The following FBXO41 variants were observed in gnomAD, a reference collection of about 807,000 sequenced individuals.
The protein encoded by FBXO41 is F-box protein 41, also known as F-box only protein 41.
FBXO41 carries 33 observed loss-of-function variants against 81.6 expected under a neutral mutation model. That is an observed-to-expected ratio of 0.40 (90% CI 0.31 to 0.54). The LOEUF (loss-of-function observed/expected upper bound fraction) is 0.54, where lower values mean the gene tolerates loss of function less well. FBXO41 is among the 20% of genes least tolerant of loss of function. FBXO41 has a pLI of 0.39. For synonymous variants in FBXO41, 576 were observed against 552.7 expected (o/e 1.04, Z -0.59); for missense variants, 1,107 against 1,236.0 (o/e 0.90, Z 1.56).
Position 73,269,108 on chromosome 2 carries a change from G to T in FBXO41, c.523C>A (p.Pro175Thr). Residue 175 changes from proline to threonine, a missense_variant, in exon 2 of 13, where the codon CCC becomes ACC. By Grantham distance (38) the Pro-to-Thr change is conservative. Around this residue, in one of 2 missense-constraint regions of FBXO41, gnomAD observed 771 missense variants for 789.2 expected, o/e 0.98. Coordinates refer to ENST00000520530, the MANE Select transcript of FBXO41 (RefSeq NM_001371389.2). This position sits in a 1 kb window ranked among gnomAD's most constrained non-coding sequence, Gnocchi z 7.0. ...SSACSTPPPG[P>T]GPGPCPGPAS... is the part of the protein sequence containing the mutation. ...GGCCCGGGGCAAGGGCCGGGGCCGG[G>T]GCCAGGCGGCGGCGTCGAGCACGCC... 1 of 1,508,448 alleles carries T rather than the reference G, an allele frequency of 6.6e-7. No homozygotes were observed. The highest frequency in any genetic ancestry group is 1.3e-5 in the South Asian group (1 of 79,904). 93.4% of individuals were successfully genotyped at this position (1,508,448 alleles called of 1,614,324 possible). A position where few individuals can be genotyped will look rare whatever the true frequency, so the allele number is the denominator to read the frequency against.
intron 1 of FBXO41, among the ~76,000 whole-genome samples, chr2:73,278,639 A>G (rs1476746599): frequency 6.6e-6 from 1 of 152,186 alleles, no homozygotes; most frequent in Non-Finnish European, 1.5e-5. Context: ...CAGGCACGGG[A>G]TTCTACACTT....
chr2:73,270,906 C>T (rs781486332), intron 1 of FBXO41: 1 of 534,596 alleles, frequency 1.9e-6, no homozygotes, highest in Non-Finnish European at 3.8e-6. Flanking sequence ...TCAGACAAGC[C>T]AGTTGTCATC....
intron 8 of FBXO41, 43 bp from the exon 9 acceptor site, chr2:73,263,351 A>G (rs902873273): frequency 7.1e-7 from 1 of 1,411,184 alleles, no homozygotes; most frequent in Middle Eastern, 1.9e-4. Context: ...AGGGTGGCTT[A>G]TACTGGTAAT....
In FBXO41 at chr2:73,266,434, A is replaced by T. The variant is rs1688278932; in HGVS notation, c.1131+23T>A. The T allele has an allele frequency of 6.8e-7, 1 of 1,466,260 alleles. No homozygotes were observed. The highest frequency in any genetic ancestry group is 2.6e-5 in the East Asian group (1 of 38,200). 90.8% of individuals were successfully genotyped at this position (1,466,260 alleles called of 1,614,324 possible). On this transcript the variant is annotated intron_variant, in intron 3 of 12. Transcript: ENST00000520530. The surrounding 1 kb of genome is among the most constrained non-coding windows in gnomAD (Gnocchi z 5.3). The stretch of plus-strand genomic sequence containing the variant: ...GGGGGGCCAGGTGTGCAGGTAGAGG[A>T]GGGAAGGCAGGTGGGCACTCACCAT...
Position 73,263,756 on chromosome 2 carries a change from T to C in FBXO41, c.1997A>G (p.His666Arg). Residue 666 changes from histidine to arginine, a missense_variant, in exon 8 of 13, where the codon CAC (histidine) becomes CGC (arginine). By Grantham distance (29) the His-to-Arg change is conservative. Around this residue, in one of 2 missense-constraint regions of FBXO41, gnomAD observed 336 missense variants for 446.7 expected, o/e 0.75. Coordinates refer to ENST00000520530, the MANE Select transcript of FBXO41 (RefSeq NM_001371389.2). ...GGNLLILRISHCPNILTDRSL... is the reference protein window; with the variant it reads ...GGNLLILRISRCPNILTDRSL... ...GCGGTCGGTGAGGATGTTTGGACAGTGGGAGATGCGCAGGATCAGCAGGTT... is the reference window on the plus strand; with the variant it reads ...GCGGTCGGTGAGGATGTTTGGACAGCGGGAGATGCGCAGGATCAGCAGGTT... The C allele has an allele frequency of 1.2e-6, 2 of 1,613,920 alleles. No homozygotes were observed. The highest frequency in any genetic ancestry group is 1.7e-6 in the Non-Finnish European group (2 of 1,179,862).
intron 1 of FBXO41, among the ~76,000 whole-genome samples, chr2:73,270,388 AGT>A (rs1212188128): frequency 1.3e-5 from 2 of 152,170 alleles, no homozygotes; most frequent in African/African-American, 4.8e-5. Context: ...ACTTAAAATG[AGT>A]GTAAAAATCC....
Position 73,260,749 on chromosome 2 carries a change from C to T in FBXO41, c.2281G>A (p.Ala761Thr), listed in dbSNP as rs1311791766. ...GGAGCGVQGL[A>T]SLARNCMRLQ... ...CCAAGGAAAGACTCACCGAGTGATGCCAGGCCCTGCACCCCACAGCCGGCA... is the reference window on the plus strand; with the variant it reads ...CCAAGGAAAGACTCACCGAGTGATGTCAGGCCCTGCACCCCACAGCCGGCA... The change falls in exon 10 of 13, where the codon GCA (alanine) becomes ACA (threonine). Residue 761 changes from alanine to threonine, a missense_variant. This residue lies in a region of FBXO41 where 336 missense variants were observed against 446.7 expected (regional missense o/e 0.75). Coordinates refer to ENST00000520530, the MANE Select transcript of FBXO41 (RefSeq NM_001371389.2). The surrounding 1 kb of genome is among the most constrained non-coding windows in gnomAD (Gnocchi z 5.0). 1 of 1,548,970 alleles carries T rather than the reference C, an allele frequency of 6.5e-7. No individual in the cohort carries two copies. The highest frequency in any genetic ancestry group is 8.7e-7 in the Non-Finnish European group (1 of 1,144,690).
At position 73,265,627 on chromosome 2, in the gene FBXO41, C is replaced by A. The variant is rs985881476; in HGVS notation, c.1219G>T (p.Val407Leu). The change falls in exon 5 of 13, where the codon GTG becomes TTG. Residue 407 changes from valine (V) to leucine (L), a missense_variant. Coordinates refer to ENST00000520530, the MANE Select transcript of FBXO41 (RefSeq NM_001371389.2). ...CCTGAGCTCTGGGATGCGGCTGGCA[C>A]ACGGCTGGAGGCCCTGGGGCAGGGT... ...SSPSTGASSR[V>L]PAASQSSGCY... is the part of the protein sequence containing the mutation. The A allele has an allele frequency of 6.6e-7, 1 of 1,515,444 alleles. No homozygotes were observed. The highest frequency in any genetic ancestry group is 8.8e-7 in the Non-Finnish European group (1 of 1,132,764). The allele number at this position is 1,515,444 out of a possible 1,614,324, so 93.9% of individuals were successfully genotyped here. A position where few individuals can be genotyped will look rare whatever the true frequency, so the allele number is the denominator to read the frequency against.
chr2:73,284,102 TCCTC>T lies in FBXO41; in HGVS notation c.-139+54_-139+57del, dbSNP rs1688925362. The T allele has an allele frequency of 6.6e-6, 1 of 151,832 alleles. No homozygotes were observed. Among genetic ancestry groups the T allele is most frequent in the Non-Finnish European group, 1.5e-5 (1 of 67,932 alleles). The allele number at this position is 151,832 out of a possible 1,614,324, so 9.4% of individuals were successfully genotyped here. ...GGGGAAGAAGGGACAGTGGCTGGGG[TCCTC>T]CCTCCTTCCCTCTCCGGGAGCAGTC... On this transcript the variant is annotated intron_variant, in intron 1 of 12. Transcript: ENST00000520530. The surrounding 1 kb of genome is among the most constrained non-coding windows in gnomAD (Gnocchi z 7.4).
intron 5 of FBXO41, 31 bp downstream of exon 5, chr2:73,265,251 G>A (rs748061615): frequency 1.3e-6 from 2 of 1,557,642 alleles, no homozygotes; most frequent in East Asian, 4.5e-5. Flanking sequence ...CCTCAGACCT[G>A]TGTCCCCCTG....
chr2:73,266,555 C>T lies in FBXO41; in HGVS notation c.1033G>A (p.Val345Ile), dbSNP rs753022819. Reference protein sequence around the residue: ...RADRAERQLQVISSSCGSTPS... With the variant: ...RADRAERQLQIISSSCGSTPS... ...GTGCTGCCACAGCTGCTGCTGATGA[C>T]CTGCAGCTGCCGCTCGGCACGGTCA... Residue 345 changes from valine (V) to isoleucine (I), a missense_variant, in exon 3 of 13, where the codon GTC becomes ATC. Val to Ile is a conservative substitution (Grantham distance 29, BLOSUM62 3). Around this residue, in one of 2 missense-constraint regions of FBXO41, gnomAD observed 771 missense variants for 789.2 expected, o/e 0.98. Coordinates refer to ENST00000520530, the MANE Select transcript of FBXO41 (RefSeq NM_001371389.2). This position sits in a 1 kb window ranked among gnomAD's most constrained non-coding sequence, Gnocchi z 5.3. 3 of 1,609,532 alleles carry T rather than the reference C, an allele frequency of 1.9e-6. No individual in the cohort carries two copies. The highest frequency in any genetic ancestry group is 2.2e-5 in the East Asian group (1 of 44,788).
chr2:73,268,112 A>G (rs2103883964), intron 2 of FBXO41, among the ~76,000 whole-genome samples: 1 of 152,304 alleles, frequency 6.6e-6, no homozygotes, highest in East Asian at 1.9e-4. Flanking sequence ...GGGATCAGCT[A>G]TGTCAAATGC....
chr2:73,280,758 T>C (rs922985005), intron 1 of FBXO41, among the ~76,000 whole-genome samples: 1 of 152,228 alleles, frequency 6.6e-6, no homozygotes, highest in East Asian at 1.9e-4. Flanking sequence ...AGACATCACA[T>C]ACTGATAATC....
At position 73,269,451 on chromosome 2, in the gene FBXO41, AGCGGCGGCGGCG is replaced by A; in HGVS notation, c.168_179del (p.Ala58_Ala61del). The A allele has an allele frequency of 7.7e-7, 1 of 1,291,818 alleles. No individual in the cohort carries two copies. Among genetic ancestry groups the A allele is most frequent in the South Asian group, 2.3e-5 (1 of 43,324 alleles). The allele number at this position is 1,291,818 out of a possible 1,614,324, so 80.0% of individuals were successfully genotyped here. A position where few individuals can be genotyped will look rare whatever the true frequency, so the allele number is the denominator to read the frequency against. On this transcript the variant is annotated inframe_deletion, in exon 2 of 13. Transcript: ENST00000520530. The surrounding 1 kb of genome is among the most constrained non-coding windows in gnomAD (Gnocchi z 7.0). The stretch of plus-strand genomic sequence containing the variant: ...CGGGAGCCAGCGGGAACCCCGAGGC[AGCGGCGGCGGCG>A]GCCGCGGCGGCGGCGGCGCCGTCGC...
Position 73,269,033 on chromosome 2 carries a change from C to G in FBXO41, c.598G>C (p.Glu200Gln). 6.5e-7 allele frequency: 1 copy of G among 1,536,290 alleles called. No homozygotes were observed. Among genetic ancestry groups the G allele is most frequent in the Non-Finnish European group, 8.7e-7 (1 of 1,145,528 alleles). Residue 200 changes from glutamate to glutamine, a missense_variant, in exon 2 of 13, where the codon GAG becomes CAG. Glu to Gln is a conservative substitution (Grantham distance 29, BLOSUM62 2). Around this residue, in one of 2 missense-constraint regions of FBXO41, gnomAD observed 771 missense variants for 789.2 expected, o/e 0.98. Transcript: ENST00000520530. The surrounding 1 kb of genome is among the most constrained non-coding windows in gnomAD (Gnocchi z 7.0). ...SPSPADVAYE[E>Q]GLARLKIRAL... ...CGGATCTTGAGGCGCGCCAGGCCCT[C>G]TTCGTAGGCCACATCAGCGGGTGAG...
rs1688114516 is a variant in FBXO41 at position 73,263,784 on chromosome 2, C to A, written c.1969G>T (p.Gly657Trp). ...GLESLLKAAGGNLLILRISHC... is the reference protein window; with the variant it reads ...GLESLLKAAGWNLLILRISHC... ...GAGATGCGCAGGATCAGCAGGTTCC[C>A]CCCAGCTGCCTTCAGCAGGGACTCC... The change falls in exon 8 of 13, where the codon GGG (glycine) becomes TGG (tryptophan). Residue 657 changes from glycine to tryptophan, a missense_variant. By Grantham distance (184) the Gly-to-Trp change is radical. Coordinates refer to ENST00000520530, the MANE Select transcript of FBXO41 (RefSeq NM_001371389.2). The A allele has an allele frequency of 6.2e-7, 1 of 1,613,906 alleles. No homozygotes were observed. The highest frequency in any genetic ancestry group is 1.1e-5 in the South Asian group (1 of 91,092).
chr2:73,263,544 C>T, intron 8 of FBXO41, 134 bp downstream of exon 8: 1 of 1,188,464 alleles, frequency 8.4e-7, no homozygotes, highest in East Asian at 2.5e-5. Context: ...CTTGCCAAGG[C>T]TTCCTTTCCT....
intron 2 of FBXO41, among the ~76,000 whole-genome samples, chr2:73,268,028 G>T (rs570239822): frequency 1.2e-3 from 181 of 152,290 alleles, no homozygotes; most frequent in Non-Finnish European, 2.3e-3. Context: ...AAAGACCAGA[G>T]AAATGAAGAA....
intron 1 of FBXO41, among the ~76,000 whole-genome samples, chr2:73,272,605 C>A (rs1688571460): frequency 6.6e-6 from 1 of 152,188 alleles, no homozygotes; most frequent in Non-Finnish European, 1.5e-5. Context: ...GGCAGATGAC[C>A]TTTTGCCTCC....
Sources: allele counts gnomAD v4.1 joint callset (sites outside exome capture counted in the v4.1 genomes callset), GRCh38; gene constraint gnomAD v4.1.1; regional missense constraint gnomAD v4.1.1; non-coding constraint Gnocchi (gnomAD v3.1); transcripts MANE v1.5; gene names NCBI Gene and HGNC (gene_info 2026-07-23, HGNC 2026-07-21).